Variants in ME1 observed in about 807,000 individuals in gnomAD.
ME1 encodes malic enzyme 1, also known as NADP-dependent malic enzyme.
In ME1, 74 loss-of-function variants were observed where a neutral mutation model predicts 66.4. That is an observed-to-expected ratio of 1.11 (90% CI 0.92 to 1.35). The LOEUF (loss-of-function observed/expected upper bound fraction) is 1.35, where lower values mean the gene tolerates loss of function less well. Among genes scored for constraint, ME1 ranks in the 40% most tolerant of loss-of-function variants. The pLI is 0.00. For synonymous variants in ME1, 251 were observed against 235.6 expected, an observed-to-expected ratio of 1.07 and a Z score of -0.60; for missense variants, 750 against 694.1, an observed-to-expected ratio of 1.08 and a Z score of -0.90.
At position 83,399,026 on chromosome 6, in the gene ME1, C is replaced by T. The variant is rs565636250; in HGVS notation, c.213-510G>A. 2.0e-5 allele frequency among the ~76,000 whole-genome samples: 3 copies of T among 152,186 alleles called. 1 individual carries two copies. In the South Asian group the frequency reaches 6.2e-4, roughly 32 times the overall value. On this transcript the variant is annotated intron_variant, in intron 2 of 13. Coordinates refer to ENST00000369705, the MANE Select transcript of ME1 (RefSeq NM_002395.6). ...TTATTTATTTTGAGACAGAGTCTCG[C>T]TCTGTCGCCCAGGCTGGAGTGCAGT... is the stretch of plus-strand genomic sequence containing the variant.
chr6:83,413,438 T>A lies in ME1; in HGVS notation c.79-5537A>T, dbSNP rs1010492341. 6.6e-5 allele frequency among the ~76,000 whole-genome samples: 10 copies of A among 152,280 alleles called. No individual in the cohort carries two copies. The East Asian group carries it at 1.5e-3, about 23-fold the overall frequency. On this transcript the variant is annotated intron_variant, in intron 1 of 13. Transcript: ENST00000369705. ...TATTTCAAATGAATTATATATATTT[T>A]ATTAATGTGACCTTGCAAATAATAT...
At position 83,339,982 on chromosome 6, in the gene ME1, G is replaced by A. The variant is rs6935342; in HGVS notation, c.600+6191C>T. On this transcript the variant is annotated intron_variant, in intron 5 of 13. Coordinates refer to ENST00000369705, the MANE Select transcript of ME1 (RefSeq NM_002395.6). ...ACTTAGAGTATAATAAAAAAAAAAA[G>A]AAAAGAAAAGAAATGTGAAATACTA... is the stretch of plus-strand genomic sequence containing the variant. 8.6e-3 allele frequency among the ~76,000 whole-genome samples: 603 copies of A among 70,424 alleles called. 9 individuals are homozygous for A. The highest frequency in any genetic ancestry group is 0.038 in the Middle Eastern group (3 of 78). 46.2% of individuals were successfully genotyped at this position (70,424 alleles called of 152,430 possible).
intron 3 of ME1, among the ~76,000 whole-genome samples, chr6:83,366,788 G>A (rs1234268721): frequency 6.6e-6 from 1 of 152,154 alleles, no homozygotes; most frequent in Non-Finnish European, 1.5e-5. Context: ...CGAAGTCTTG[G>A]ATCCCTCAAA....
chr6:83,414,040 G>A (rs976112813), intron 1 of ME1, among the ~76,000 whole-genome samples: 1 of 150,788 alleles, frequency 6.6e-6, no homozygotes, highest in Non-Finnish European at 1.5e-5. Flanking sequence ...GATCCTGGGA[G>A]GTTAAGGTTG....
At chr6:83,430,835 A>C in intron 1 of ME1, 42 bp downstream of exon 1, 1 of 1,509,696 alleles carries the variant, frequency 6.6e-7, no homozygotes. Context: ...TGACCCTGAT[A>C]GAGAGGGGCC....
At chr6:83,333,346 C>G (rs1237813447) in intron 5 of ME1, among the ~76,000 whole-genome samples, 5 of 152,162 alleles carry the variant, frequency 3.3e-5, no homozygotes, top group Non-Finnish European at 7.4e-5. Flanking sequence ...GAAACTGCCA[C>G]TACATAAAAA....
chr6:83,321,754 A>G (rs866037674), intron 5 of ME1, among the ~76,000 whole-genome samples: 6 of 152,344 alleles, frequency 3.9e-5, no homozygotes, highest in African/African-American at 1.4e-4. Flanking sequence ...CCAGCCTGAC[A>G]GCTCTGAAGA....
chr6:83,257,042 G>A (rs1191413702), intron 6 of ME1, among the ~76,000 whole-genome samples: 1 of 151,840 alleles, frequency 6.6e-6, no homozygotes, highest in Non-Finnish European at 1.5e-5. Flanking sequence ...GGGCCTGTTT[G>A]GGGGTGTGGG....
chr6:83,408,832 T>A (rs961082891), intron 1 of ME1, among the ~76,000 whole-genome samples: 38 of 152,174 alleles, frequency 2.5e-4, no homozygotes, highest in African/African-American at 8.7e-4. Context: ...GACTTCTTTA[T>A]CTAGACTATG....
At chr6:83,279,243 C>T (rs1045446052) in intron 6 of ME1, among the ~76,000 whole-genome samples, 2 of 152,178 alleles carry the variant, frequency 1.3e-5, no homozygotes, top group African/African-American at 4.8e-5. Context: ...GGCATATCTC[C>T]CTAAGTTCCT....
intron 3 of ME1, among the ~76,000 whole-genome samples, chr6:83,370,114 ATT>A (rs1769168740): frequency 6.6e-6 from 1 of 152,184 alleles, no homozygotes. Context: ...TCAGGCTAAA[ATT>A]TGTAAAGACC....
intron 9 of ME1, among the ~76,000 whole-genome samples, chr6:83,230,128 GT>G (rs201960546): frequency 1.3e-5 from 2 of 149,934 alleles, no homozygotes; most frequent in Non-Finnish European, 3.0e-5. Flanking sequence ...GCCAGGCTCT[GT>G]TTTTTTTTGT....
chr6:83,263,323 T>A (rs1030219336), intron 6 of ME1, among the ~76,000 whole-genome samples: 2 of 152,108 alleles, frequency 1.3e-5, no homozygotes, highest in East Asian at 3.9e-4. Context: ...CCTTTAAGTG[T>A]TCAAGTCAAA....
At position 83,431,022 on chromosome 6, in the gene ME1, G is replaced by T; in HGVS notation, c.-68C>A. ...CGCACGCGCGGTGCAGGCGGCGGATGCTGCTGGGGTGACGGTGCTGACTGC... is the reference window on the plus strand; with the variant it reads ...CGCACGCGCGGTGCAGGCGGCGGATTCTGCTGGGGTGACGGTGCTGACTGC... On this transcript the variant is annotated 5_prime_UTR_variant, in exon 1 of 14. Transcript: ENST00000369705. 1 of 1,026,444 alleles carries T rather than the reference G, an allele frequency of 9.7e-7. No homozygotes were observed. The highest frequency in any genetic ancestry group is 1.3e-6 in the Non-Finnish European group (1 of 746,960). The allele number at this position is 1,026,444 out of a possible 1,614,324, so 63.6% of individuals were successfully genotyped here. A position where few individuals can be genotyped will look rare whatever the true frequency, so the allele number is the denominator to read the frequency against.
intron 1 of ME1, among the ~76,000 whole-genome samples, chr6:83,425,576 G>A (rs908140769): frequency 1.3e-5 from 2 of 152,048 alleles, no homozygotes; most frequent in Admixed American, 6.6e-5. Flanking sequence ...CTCACTACCA[G>A]GAGAACAGCA....
intron 5 of ME1, among the ~76,000 whole-genome samples, chr6:83,345,290 T>G (rs973839484): frequency 2.6e-5 from 4 of 152,252 alleles, no homozygotes; most frequent in Admixed American, 2.6e-4. Flanking sequence ...GCAATGTATT[T>G]TTATTAAAAT....
intron 8 of ME1, 63 bp downstream of exon 8, chr6:83,239,476 T>C: frequency 1.8e-6 from 2 of 1,127,148 alleles, no homozygotes; most frequent in Non-Finnish European, 2.6e-6. Context: ...CTTGAGTTAA[T>C]GAGCAATTAA....
chr6:83,429,303 T>C (rs1262749306), intron 1 of ME1, among the ~76,000 whole-genome samples: 1 of 152,168 alleles, frequency 6.6e-6, no homozygotes, highest in African/African-American at 2.4e-5. Context: ...GATGTAAGCA[T>C]AGTAAAGGCA....
intron 1 of ME1, among the ~76,000 whole-genome samples, chr6:83,409,928 A>T (rs535495661): frequency 3.3e-5 from 5 of 152,336 alleles, no homozygotes; most frequent in African/African-American, 1.2e-4. Flanking sequence ...CCAAGAGGAT[A>T]ATCCAGTATG....
Sources: allele counts gnomAD v4.1 joint callset (sites outside exome capture counted in the v4.1 genomes callset), GRCh38; gene constraint gnomAD v4.1.1; transcripts MANE v1.5; gene names NCBI Gene and HGNC (gene_info 2026-07-23, HGNC 2026-07-21).